Variants in SPATA6 observed in about 807,000 individuals in gnomAD.
SPATA6 encodes spermatogenesis-associated protein 6.
SPATA6 carries 56 observed loss-of-function variants against 65.3 expected under a neutral mutation model. That is an observed-to-expected ratio of 0.86 (90% CI 0.69 to 1.07). The LOEUF is 1.07. SPATA6 is among the 50% of genes least tolerant of loss of function. SPATA6 has a pLI of 0.00. For synonymous variants in SPATA6, 199 were observed against 213.2 expected (o/e 0.93, Z 0.58); for missense variants, 590 against 594.8 (o/e 0.99, Z 0.08).
At chr1:48,436,447 A>G in intron 3 of SPATA6, 3 of 1,607,422 alleles carry the variant, frequency 1.9e-6, no homozygotes, top group Non-Finnish European at 2.6e-6. Flanking sequence ...TGAAACTTTA[A>G]TAAGAAACAT....
chr1:48,410,788 G>A (rs1463937299), intron 5 of SPATA6, among the ~76,000 whole-genome samples: 9 of 152,170 alleles, frequency 5.9e-5, no homozygotes, highest in Middle Eastern at 3.4e-3. Flanking sequence ...AGAACAGCAC[G>A]GGGGAAACCA....
chr1:48,347,604 AT>A (rs1238821650), intron 11 of SPATA6, among the ~76,000 whole-genome samples: 2 of 150,986 alleles, frequency 1.3e-5, no homozygotes, highest in Non-Finnish European at 3.0e-5. Flanking sequence ...TTGCTAAAAA[AT>A]AAGAATAGTT....
intron 11 of SPATA6, among the ~76,000 whole-genome samples, chr1:48,342,612 T>C (rs1297202527): frequency 1.5e-5 from 2 of 137,316 alleles, no homozygotes; most frequent in Non-Finnish European, 3.1e-5. Context: ...CGAGACTCCA[T>C]CTCAAAAAAA....
intron 8 of SPATA6, among the ~76,000 whole-genome samples, chr1:48,387,054 C>T (rs951276478): frequency 6.6e-6 from 1 of 152,170 alleles, no homozygotes; most frequent in African/African-American, 2.4e-5. Flanking sequence ...CTGGGGAAGC[C>T]TCACAATCAT....
the SPATA6 span, among the ~76,000 whole-genome samples, chr1:48,275,196 C>T: frequency 1.4e-4 from 22 of 152,052 alleles, no homozygotes; most frequent in African/African-American, 3.1e-4. Flanking sequence ...TTTTGTATCC[C>T]GACACTGTGC....
At chr1:48,324,450 T>C (rs1423038049) in intron 11 of SPATA6, among the ~76,000 whole-genome samples, 1 of 152,034 alleles carries the variant, frequency 6.6e-6, no homozygotes, top group Non-Finnish European at 1.5e-5. Flanking sequence ...CTTAGCAAAA[T>C]ACTAGCAAAT....
chr1:48,463,165 G>T (rs1657572565), intron 1 of SPATA6, among the ~76,000 whole-genome samples: 1 of 152,094 alleles, frequency 6.6e-6, no homozygotes, highest in Non-Finnish European at 1.5e-5. Context: ...AGCATATCAT[G>T]GGACTGCAAA....
chr1:48,359,559 A>G, intron 10 of SPATA6, 27 bp downstream of exon 10: 1 of 1,608,076 alleles, frequency 6.2e-7, no homozygotes, highest in Non-Finnish European at 8.5e-7. Flanking sequence ...AAAGATCAGT[A>G]CAGAAATGAA....
chr1:48,441,829 A>T (rs1305883063), intron 3 of SPATA6, among the ~76,000 whole-genome samples: 3 of 152,130 alleles, frequency 2.0e-5, no homozygotes, highest in African/African-American at 4.8e-5. Context: ...CAAGGAAAGG[A>T]TCTTACTATC....
chr1:48,416,032 G>A (rs1652749207), intron 3 of SPATA6, among the ~76,000 whole-genome samples: 1 of 152,016 alleles, frequency 6.6e-6, no homozygotes, highest in Non-Finnish European at 1.5e-5. Flanking sequence ...GCGAAACCCT[G>A]TCTCTACAGA....
the SPATA6 span, among the ~76,000 whole-genome samples, chr1:48,289,477 G>A: frequency 2.0e-5 from 3 of 152,204 alleles, no homozygotes; most frequent in African/African-American, 4.8e-5. Context: ...ACCAGCAGTG[G>A]AACAAAGCTG....
chr1:48,362,860 A>G (rs1460457548), intron 9 of SPATA6, among the ~76,000 whole-genome samples: 2 of 152,174 alleles, frequency 1.3e-5, no homozygotes, highest in African/African-American at 2.4e-5. Context: ...AATAGAGAAT[A>G]TCATAGAGGT....
At chr1:48,289,070 G>A in the SPATA6 span, among the ~76,000 whole-genome samples, 1 of 152,220 alleles carries the variant, frequency 6.6e-6, no homozygotes, top group Non-Finnish European at 1.5e-5. Flanking sequence ...CTGACCCCGA[G>A]TAGCCTAACT....
chr1:48,413,630 T>A (rs960592566), intron 3 of SPATA6, among the ~76,000 whole-genome samples: 4 of 152,002 alleles, frequency 2.6e-5, no homozygotes, highest in African/African-American at 9.7e-5. Context: ...ATATAAGTTA[T>A]GTCTATTTCT....
intron 3 of SPATA6, among the ~76,000 whole-genome samples, chr1:48,449,635 C>T (rs957931115): frequency 2.0e-5 from 3 of 152,100 alleles, no homozygotes; most frequent in East Asian, 3.8e-4. Flanking sequence ...AGAGAGAAAT[C>T]GACATATATG....
At chr1:48,272,121 A>C in the SPATA6 span, among the ~76,000 whole-genome samples, 1 of 152,190 alleles carries the variant, frequency 6.6e-6, no homozygotes, top group African/African-American at 2.4e-5. Context: ...ATATGTATAC[A>C]CTATAAAATG....
intron 3 of SPATA6, among the ~76,000 whole-genome samples, chr1:48,419,710 T>C (rs1653142291): frequency 6.6e-6 from 1 of 152,170 alleles, no homozygotes; most frequent in Non-Finnish European, 1.5e-5. Flanking sequence ...ATTATCTCAA[T>C]TTTGGTCAGT....
chr1:48,389,825 C>G (rs1449625213), intron 8 of SPATA6, among the ~76,000 whole-genome samples: 1 of 152,102 alleles, frequency 6.6e-6, no homozygotes, highest in Admixed American at 6.5e-5. Context: ...CCTTTACCAT[C>G]TTGAAAACAC....
chr1:48,470,957 G>C (rs1487841537), intron 1 of SPATA6, among the ~76,000 whole-genome samples: 1 of 152,208 alleles, frequency 6.6e-6, no homozygotes, highest in African/African-American at 2.4e-5. Flanking sequence ...GTACAGGTCT[G>C]TGCCTGCAGG....
Sources: gnomAD v4.1 joint callset for allele counts (sites outside exome capture counted in the v4.1 genomes callset) on GRCh38, gnomAD v4.1.1 for gene constraint, MANE v1.5 for transcripts, NCBI Gene and HGNC (gene_info 2026-07-23, HGNC 2026-07-21) for gene names.